Variants in ADCY2 observed in about 807,000 individuals in gnomAD.
The protein encoded by ADCY2 is adenylate cyclase 2.
Under a neutral mutation model 125.2 loss-of-function variants are expected in ADCY2, and 31 were observed. The ratio of observed to expected loss-of-function variants is 0.25; its 90% CI spans 0.19 to 0.33. The LOEUF (loss-of-function observed/expected upper bound fraction) is 0.33, where lower values mean the gene tolerates loss of function less well. Among genes scored for constraint, ADCY2 ranks in the 10% least tolerant of loss-of-function variants. The probability of loss-of-function intolerance (pLI) is 1.00; values close to 1 mark genes in which losing one functional copy is unlikely to be tolerated. For missense variants in ADCY2, 904 were observed against 1,418.2 expected, an observed-to-expected ratio of 0.64 and a Z score of 5.82; for synonymous variants, 512 against 548.4, an observed-to-expected ratio of 0.93 and a Z score of 0.93.
intron 2 of ADCY2, among the ~76,000 whole-genome samples, chr5:7,451,140 T>A (rs1028951053): frequency 6.6e-6 from 1 of 152,224 alleles, no homozygotes; most frequent in Non-Finnish European, 1.5e-5. Flanking sequence ...CAAGTCTTAT[T>A]ACTTCAGAAA....
chr5:7,506,080 G>T (rs561706368), intron 2 of ADCY2, among the ~76,000 whole-genome samples: 1 of 151,492 alleles, frequency 6.6e-6, no homozygotes, highest in East Asian at 1.9e-4. Context: ...TATTGAGGGC[G>T]TGATCACTTA....
chr5:7,562,125 A>G lies in ADCY2; in HGVS notation c.570+41226A>G, dbSNP rs367786288. On this transcript the variant is annotated intron_variant, in intron 3 of 24. Coordinates refer to ENST00000338316, the MANE Select transcript of ADCY2 (RefSeq NM_020546.3). The stretch of plus-strand genomic sequence containing the variant: ...TTTTAACTAATTATTGTTGATATAT[A>G]TATAAGAAAAACTCTCAATTTTAAT... Among the ~76,000 whole-genome samples the G allele has an allele frequency of 3.3e-5, 5 of 152,206 alleles. No individual in the cohort carries two copies. The East Asian group carries it at 5.8e-4, about 18-fold the overall frequency.
intron 20 of ADCY2, chr5:7,801,052 A>C (rs189357655): frequency 1.3e-5 from 2 of 152,348 alleles, no homozygotes; most frequent in African/African-American, 4.8e-5. Flanking sequence ...AGAACCAGAA[A>C]AGGACACGAG....
chr5:7,618,018 C>T (rs1737822734), intron 3 of ADCY2, among the ~76,000 whole-genome samples: 1 of 152,110 alleles, frequency 6.6e-6, no homozygotes, highest in Non-Finnish European at 1.5e-5. Context: ...AAGGACATTC[C>T]AATTCAAAGT....
chr5:7,459,511 C>T (rs988193644), intron 2 of ADCY2, among the ~76,000 whole-genome samples: 18 of 152,278 alleles, frequency 1.2e-4, no homozygotes, highest in Non-Finnish European at 2.1e-4. Context: ...AGTAATTCGC[C>T]TCCAAGCAGT....
At chr5:7,811,673 G>A (rs1468871840) in intron 22 of ADCY2, among the ~76,000 whole-genome samples, 1 of 152,076 alleles carries the variant, frequency 6.6e-6, no homozygotes, top group Non-Finnish European at 1.5e-5. Context: ...GTCATCACTA[G>A]TTCATAAGCG....
chr5:7,563,353 G>A (rs1322244867), intron 3 of ADCY2, among the ~76,000 whole-genome samples: 2 of 152,158 alleles, frequency 1.3e-5, no homozygotes, highest in Non-Finnish European at 2.9e-5. Flanking sequence ...AGCATACCCT[G>A]CAAAAGAAAG....
At chr5:7,643,011 A>G (rs1738763500) in intron 4 of ADCY2, among the ~76,000 whole-genome samples, 1 of 151,894 alleles carries the variant, frequency 6.6e-6, no homozygotes, top group Non-Finnish European at 1.5e-5. Flanking sequence ...TCTTCAGTAT[A>G]TTTTTCTAAT....
rs540084481 is a variant in ADCY2, at chr5:7,507,384, T to G, written c.409-13354T>G. The stretch of plus-strand genomic sequence containing the variant: ...TGAACCCGGGAGGCGGAGCTTGCAG[T>G]GAGCCGAGATCATACCACTGCACTC... On this transcript the variant is annotated intron_variant, in intron 2 of 24. Transcript: ENST00000338316. 1.5e-4 allele frequency among the ~76,000 whole-genome samples: 18 copies of G among 117,900 alleles called. No homozygotes were observed. The East Asian group carries it at 3.9e-3, about 26-fold the overall frequency. The allele number at this position is 117,900 out of a possible 152,430, so 77.3% of individuals were successfully genotyped here. A position where few individuals can be genotyped will look rare whatever the true frequency, so the allele number is the denominator to read the frequency against.
chr5:7,766,876 C>G lies in ADCY2; in HGVS notation c.2214+70C>G. On this transcript the variant is annotated intron_variant, in intron 17 of 24. Transcript: ENST00000338316. ...GCTCGTAGTCTGTATAACATATATC[C>G]TTTAGTCTCAGATCTGTTCTAGACT... 18 of 1,530,960 alleles carry G rather than the reference C, an allele frequency of 1.2e-5. No homozygotes were observed. The South Asian group carries it at 2.4e-4, about 20-fold the overall frequency. The allele number at this position is 1,530,960 out of a possible 1,614,324, so 94.8% of individuals were successfully genotyped here.
chr5:7,773,130 T>A (rs375377765), intron 18 of ADCY2, 29 bp downstream of exon 18: 1 of 1,606,730 alleles, frequency 6.2e-7, no homozygotes, highest in Non-Finnish European at 8.5e-7. Context: ...CTTCTCTTAC[T>A]ATAGTTCTTT....
At chr5:7,487,964 A>G (rs942350752) in intron 2 of ADCY2, among the ~76,000 whole-genome samples, 8 of 152,182 alleles carry the variant, frequency 5.3e-5, no homozygotes, top group African/African-American at 1.7e-4. Flanking sequence ...ACACATCATT[A>G]AAAGGGCTTT....
At chr5:7,826,105 C>G (rs1745468602) in intron 24 of ADCY2, among the ~76,000 whole-genome samples, 1 of 152,178 alleles carries the variant, frequency 6.6e-6, no homozygotes, top group African/African-American at 2.4e-5. Context: ...CATGCGGACA[C>G]CAGTGCAAAT....
intron 2 of ADCY2, among the ~76,000 whole-genome samples, chr5:7,421,139 G>C (rs150965219): frequency 6.6e-6 from 1 of 152,294 alleles, no homozygotes; most frequent in East Asian, 1.9e-4. Context: ...GTTTATTGGA[G>C]TCCTGTCACT....
chr5:7,520,807 A>T lies in ADCY2; in HGVS notation c.478A>T (p.Ile160Phe). ...MLPFNMRDAI[I>F]ASVLTSSSHT... is the part of the protein sequence containing the mutation. ...GCCCTTCAACATGCGAGACGCCATCATTGCCAGCGTCCTCACCTCCTCCTC... is the reference window on the plus strand; with the variant it reads ...GCCCTTCAACATGCGAGACGCCATCTTTGCCAGCGTCCTCACCTCCTCCTC... Residue 160 changes from isoleucine to phenylalanine, a missense_variant, in exon 3 of 25, where the codon ATT becomes TTT. By Grantham distance (21) the Ile-to-Phe change is conservative (BLOSUM62 0). Around this residue, in one of 7 missense-constraint regions of ADCY2, gnomAD observed 121 missense variants for 161.5 expected, o/e 0.75. Transcript: ENST00000338316. The T allele has an allele frequency of 6.2e-7, 1 of 1,614,130 alleles. No homozygotes were observed. Among genetic ancestry groups the T allele is most frequent in the South Asian group, 1.1e-5 (1 of 91,074 alleles).
intron 2 of ADCY2, among the ~76,000 whole-genome samples, chr5:7,433,678 T>C (rs1053947191): frequency 6.6e-6 from 1 of 152,178 alleles, no homozygotes; most frequent in African/African-American, 2.4e-5. Context: ...AGATTTATTT[T>C]AATAAATCAA....
chr5:7,549,140 T>C (rs1735245199), intron 3 of ADCY2, among the ~76,000 whole-genome samples: 1 of 152,196 alleles, frequency 6.6e-6, no homozygotes, highest in Non-Finnish European at 1.5e-5. Flanking sequence ...GAAGTTGGCA[T>C]ATGAAGCAGG....
intron 3 of ADCY2, among the ~76,000 whole-genome samples, chr5:7,623,484 A>C (rs1316684503): frequency 6.6e-6 from 1 of 152,176 alleles, no homozygotes; most frequent in Non-Finnish European, 1.5e-5. Flanking sequence ...GGCAGGACTT[A>C]ATTGACAATG....
At chr5:7,548,863 A>G (rs1313754776) in intron 3 of ADCY2, among the ~76,000 whole-genome samples, 4 of 152,182 alleles carry the variant, frequency 2.6e-5, no homozygotes, top group African/African-American at 9.7e-5. Flanking sequence ...ACATGCAACC[A>G]TAATATTTAC....
Sources: gnomAD v4.1 joint callset for allele counts (sites outside exome capture counted in the v4.1 genomes callset) on GRCh38, gnomAD v4.1.1 for gene constraint, gnomAD v4.1.1 regional missense constraint, MANE v1.5 for transcripts, NCBI Gene and HGNC (gene_info 2026-07-23, HGNC 2026-07-21) for gene names.